ZDHHC6: variants seen among roughly 807,000 people sequenced by gnomAD.
The protein encoded by ZDHHC6 is zDHHC palmitoyltransferase 6, also known as palmitoyltransferase ZDHHC6.
ZDHHC6 carries 32 observed loss-of-function variants against 57.8 expected under a neutral mutation model. The observed-to-expected ratio is 0.55, with a 90% CI of 0.42 to 0.74. ZDHHC6 has a LOEUF of 0.74. Among genes scored for constraint, ZDHHC6 ranks in the 30% least tolerant of loss-of-function variants. The pLI, the probability that ZDHHC6 is intolerant of heterozygous loss-of-function variation, is 0.00. For missense variants in ZDHHC6, 433 were observed against 500.7 expected (o/e 0.86, Z 1.29); for synonymous variants, 128 against 158.0 (o/e 0.81, Z 1.42).
At position 112,432,449 on chromosome 10, in the gene ZDHHC6, TGAA is replaced by T; in HGVS notation, c.1015_1017del (p.Phe339del). On this transcript the variant is annotated inframe_deletion, in exon 9 of 11. Transcript: ENST00000369405. Reference sequence around the variant, plus strand: ...CGAGGCTCTTCGGTGCAGGGACTTGTGAAGAAGGTTTTGATTCCTTTATTCAGA... The same window carrying T: ...CGAGGCTCTTCGGTGCAGGGACTTGTGAAGGTTTTGATTCCTTTATTCAGA... 2 of 1,614,210 alleles carry T rather than the reference TGAA, an allele frequency of 1.2e-6. No homozygotes were observed.
downstream of ZDHHC6, among the ~76,000 whole-genome samples, chr10:112,429,316 T>C (rs1011805237): frequency 1.3e-5 from 2 of 152,238 alleles, no homozygotes; most frequent in African/African-American, 4.8e-5. Context: ...TTCTCAAACG[T>C]GTCAGACACA....
chr10:112,432,653 C>T (rs926337862), intron 8 of ZDHHC6, 132 bp from the exon 9 acceptor site: 2 of 1,095,726 alleles, frequency 1.8e-6, no homozygotes, highest in Non-Finnish European at 2.5e-6. Context: ...TCTAGGGGAA[C>T]CTCCCAGTTC....
downstream of ZDHHC6, chr10:112,426,771 A>G (rs370491618): frequency 1.2e-6 from 2 of 1,611,390 alleles, no homozygotes; most frequent in South Asian, 1.1e-5. Context: ...GCTTTAAGTG[A>G]TGTTTTGTAT....
downstream of ZDHHC6, chr10:112,426,493 T>C (rs1844722205): frequency 1.4e-6 from 1 of 700,116 alleles, no homozygotes; most frequent in South Asian, 1.8e-5. Flanking sequence ...GACTCGGGGA[T>C]AGGATGGAGA....
chr10:112,428,381 C>T (rs75872284), downstream of ZDHHC6: 3,450 of 398,470 alleles, frequency 8.7e-3, 108 homozygotes, highest in African/African-American at 0.062. Context: ...CAGATACTTA[C>T]GTTGTGGTGT....
rs1846354496 is a variant in ZDHHC6 at position 112,443,602 on chromosome 10, A to G, written c.272T>C (p.Ile91Thr). The G allele has an allele frequency of 1.2e-6, 2 of 1,611,128 alleles. No individual in the cohort carries two copies. Among genetic ancestry groups the G allele is most frequent in the Non-Finnish European group, 1.7e-6 (2 of 1,178,084 alleles). Residue 91 changes from isoleucine to threonine, a missense_variant, in exon 3 of 11, where the codon ATT (isoleucine) becomes ACT (threonine). By Grantham distance (89) the Ile-to-Thr change is moderately conservative. Transcript: ENST00000369405. Reference sequence around the variant, plus strand: ...CTGGAGATACATGGTATCCTGAGAAATTTCCTTGGCAGCAAAACAGAAACA... The same window carrying G: ...CTGGAGATACATGGTATCCTGAGAAGTTTCCTTGGCAGCAAAACAGAAACA... ...GFVPLGWKPE[I>T]SQDTMYLQYC...
chr10:112,437,425 G>C (rs531488829), intron 6 of ZDHHC6, among the ~76,000 whole-genome samples: 2 of 152,240 alleles, frequency 1.3e-5, no homozygotes, highest in South Asian at 4.1e-4. Flanking sequence ...AAATCTTATT[G>C]ATAAGAAATA....
chr10:112,432,666 C>A (rs1845154171), intron 8 of ZDHHC6, 145 bp from the exon 9 acceptor site: 1 of 981,904 alleles, frequency 1.0e-6, no homozygotes, highest in African/African-American at 1.6e-5. Flanking sequence ...CCCAGTTCCC[C>A]ATCCACCTAG....
chr10:112,427,453 T>A (rs77356064), downstream of ZDHHC6: 2 of 1,040,388 alleles, frequency 1.9e-6, no homozygotes, highest in Non-Finnish European at 2.6e-6. Context: ...TTTCCTCCTA[T>A]TTTTTTTTAA....
chr10:112,431,890 C>A (rs979814578), intron 10 of ZDHHC6, among the ~76,000 whole-genome samples: 5 of 152,292 alleles, frequency 3.3e-5, no homozygotes, highest in Admixed American at 2.6e-4. Context: ...GTTTTCAGTG[C>A]ATAGCTATGG....
At chr10:112,431,336 T>TG (rs1270319570) in intron 10 of ZDHHC6, among the ~76,000 whole-genome samples, 1 of 151,840 alleles carries the variant, frequency 6.6e-6, no homozygotes, top group Non-Finnish European at 1.5e-5. Flanking sequence ...TTTTTTGAGA[T>TG]GGAGTCTTGC....
chr10:112,442,331 T>C lies in ZDHHC6; in HGVS notation c.380A>G (p.His127Arg), dbSNP rs1432970790. Residue 127 changes from histidine (H) to arginine (R), a missense_variant, in exon 4 of 11, where the codon CAT (histidine) becomes CGT (arginine). Coordinates refer to ENST00000369405, the MANE Select transcript of ZDHHC6 (RefSeq NM_022494.3). ...ACAGTTGTTGATCCAAGGACAGTGA[T>C]GGTCCATCTTCATCACACATCTAAC... Reference protein sequence around the residue: ...KCNRCVMKMDHHCPWINNCCG... With the variant: ...KCNRCVMKMDRHCPWINNCCG... 5 of 1,611,992 alleles carry C rather than the reference T, an allele frequency of 3.1e-6. No individual in the cohort carries two copies. The highest frequency in any genetic ancestry group is 1.7e-5 in the Admixed American group (1 of 59,418).
chr10:112,443,553 G>A lies in ZDHHC6; in HGVS notation c.321C>T (p.Tyr107=), dbSNP rs1285098461. ...TGCAGTGATGTGAACGTGGTGCCTT[G>A]TATGCTTGGCAGACTTTACAATACT... The part of the protein sequence containing the change: ...YLQYCKVCQA[Y]KAPRSHHCRK... Residue 107 remains tyrosine, a synonymous_variant, in exon 3 of 11, where the codon TAC becomes TAT. Coordinates refer to ENST00000369405, the MANE Select transcript of ZDHHC6 (RefSeq NM_022494.3). 1.2e-6 allele frequency: 2 copies of A among 1,613,792 alleles called. No homozygotes were observed. Among genetic ancestry groups the A allele is most frequent in the Middle Eastern group, 1.6e-4 (1 of 6,080 alleles).
Position 112,445,576 on chromosome 10 carries a change from A to G in ZDHHC6, c.-140T>C. ...GCTGTGAACTGTTAACGCAGATTAC[A>G]CCATTTTCACTGTCAGGCACCCAAA... On this transcript the variant is annotated 5_prime_UTR_variant, in exon 2 of 11. Transcript: ENST00000369405. 1.0e-6 allele frequency: 1 copy of G among 980,768 alleles called. No homozygotes were observed. The highest frequency in any genetic ancestry group is 1.5e-6 in the Non-Finnish European group (1 of 686,372). The allele number at this position is 980,768 out of a possible 1,614,324, so 60.8% of individuals were successfully genotyped here.
intron 7 of ZDHHC6, chr10:112,433,488 C>T (rs960186800): frequency 2.7e-5 from 12 of 442,610 alleles, no homozygotes; most frequent in African/African-American, 4.1e-5. Flanking sequence ...AGGTTTTCTT[C>T]TCGCTATTCA....
intron 5 of ZDHHC6, among the ~76,000 whole-genome samples, chr10:112,440,324 G>T (rs1845984302): frequency 6.6e-6 from 1 of 152,188 alleles, no homozygotes; most frequent in Non-Finnish European, 1.5e-5. Context: ...CTTGAAGTTA[G>T]CATTTTAAAA....
chr10:112,446,253 G>C (rs1169670763), intron 1 of ZDHHC6, among the ~76,000 whole-genome samples: 1 of 152,172 alleles, frequency 6.6e-6, no homozygotes, highest in African/African-American at 2.4e-5. Flanking sequence ...AAAGCAAAGA[G>C]AGCATGCAAG....
chr10:112,429,476 A>G (rs1844863888), downstream of ZDHHC6, among the ~76,000 whole-genome samples: 1 of 152,126 alleles, frequency 6.6e-6, no homozygotes, highest in Non-Finnish European at 1.5e-5. Flanking sequence ...CATATATTTT[A>G]CCTGTCTGTT....
At chr10:112,439,951 G>A (rs566490196) in intron 5 of ZDHHC6, among the ~76,000 whole-genome samples, 1 of 152,136 alleles carries the variant, frequency 6.6e-6, no homozygotes, top group South Asian at 2.1e-4. Context: ...CTAAAACAGT[G>A]CCTTACACAT....
Sources: allele counts gnomAD v4.1 joint callset (sites outside exome capture counted in the v4.1 genomes callset), GRCh38; gene constraint gnomAD v4.1.1; transcripts MANE v1.5; gene names NCBI Gene and HGNC (gene_info 2026-07-23, HGNC 2026-07-21).